The following DYRK2 variants were observed in gnomAD, a reference collection of about 807,000 sequenced individuals.
DYRK2 encodes dual specificity tyrosine-phosphorylation-regulated kinase 2.
Under a neutral mutation model 41.6 loss-of-function variants are expected in DYRK2, and 12 were observed. That is an observed-to-expected ratio of 0.29 (90% CI 0.18 to 0.47). The LOEUF is 0.47. Ranked by LOEUF, DYRK2 falls within the 20% of genes least tolerant of loss-of-function variation. The pLI is 1.00. For synonymous variants in DYRK2, 322 were observed against 315.7 expected (o/e 1.02, Z -0.21); for missense variants, 678 against 798.4 (o/e 0.85, Z 1.82).
chr12:67,657,767 T>A lies in DYRK2; in HGVS notation c.860T>A (p.Met287Lys), dbSNP rs771602708. 26 of 1,614,220 alleles carry A rather than the reference T, an allele frequency of 1.6e-5. No individual in the cohort carries two copies. In the Admixed American group the frequency reaches 4.2e-4, roughly 26 times the overall value. The change falls in exon 3 of 3, where the codon ATG (methionine) becomes AAG (lysine). Residue 287 changes from methionine (M) to lysine (K), a missense_variant. This residue lies in a region of DYRK2 where 393 missense variants were observed against 519.1 expected (regional missense o/e 0.76). Transcript: ENST00000344096. The surrounding 1 kb of genome is among the most constrained non-coding windows in gnomAD (Gnocchi z 4.8). ...GATAACACAATGAATGTCATCCATA[T>A]GCTGGAGAATTTCACCTTCCGCAAC... ...DKDNTMNVIH[M>K]LENFTFRNHI... is the part of the protein sequence containing the mutation.
chr12:67,658,047 C>T lies in DYRK2; in HGVS notation c.1140C>T (p.Tyr380=). The T allele has an allele frequency of 6.2e-7, 1 of 1,614,264 alleles. No homozygotes were observed. The highest frequency in any genetic ancestry group is 8.5e-7 in the Non-Finnish European group (1 of 1,180,046). ...GTTGTTACGAGCATCAGCGTGTCTA[C>T]ACGTACATCCAGTCGCGTTTTTACC... ...GSSCYEHQRV[Y]TYIQSRFYRA... The change falls in exon 3 of 3, where the codon TAC becomes TAT. Residue 380 remains tyrosine, a synonymous_variant. Transcript: ENST00000344096. The surrounding 1 kb of genome is among the most constrained non-coding windows in gnomAD (Gnocchi z 4.3).
intron 2 of DYRK2, among the ~76,000 whole-genome samples, chr12:67,652,131 G>T (rs892669641): frequency 3.9e-5 from 6 of 152,050 alleles, no homozygotes; most frequent in Admixed American, 6.6e-5. Flanking sequence ...TGATATAGTA[G>T]GCAGGTTAAA....
Position 67,662,628 on chromosome 12 carries a change from A to T in DYRK2, c.*3915A>T, listed in dbSNP as rs1872655897. ...TGTTAAATTTTATTGTTGTGGCCAG[A>T]GATAATTTCAGAATAAAATTTTAAT... On this transcript the variant is annotated 3_prime_UTR_variant, in exon 3 of 3. Transcript: ENST00000344096. 1 of 166,686 alleles carries T rather than the reference A, an allele frequency of 6.0e-6. No individual in the cohort carries two copies. The highest frequency in any genetic ancestry group is 1.5e-5 in the Non-Finnish European group (1 of 68,082). The allele number at this position is 166,686 out of a possible 1,614,324, so 10.3% of individuals were successfully genotyped here. A position where few individuals can be genotyped will look rare whatever the true frequency, so the allele number is the denominator to read the frequency against.
At chr12:67,650,438 C>A (rs1049972241) in intron 2 of DYRK2, among the ~76,000 whole-genome samples, 2 of 152,210 alleles carry the variant, frequency 1.3e-5, no homozygotes, top group Non-Finnish European at 2.9e-5. Flanking sequence ...CGCCAATTGT[C>A]CCCCGCGTGT....
chr12:67,649,059 G>C lies in DYRK2; in HGVS notation c.-75G>C. ...CGAGGGGCGGCCGGGAGGCGGCGGCGGCGGCCGCCAGAAGTAGCAGCAGGA... is the reference window on the plus strand; with the variant it reads ...CGAGGGGCGGCCGGGAGGCGGCGGCCGCGGCCGCCAGAAGTAGCAGCAGGA... On this transcript the variant is annotated 5_prime_UTR_variant, in exon 1 of 3. Coordinates refer to ENST00000344096, the MANE Select transcript of DYRK2 (RefSeq NM_006482.3). The C allele has an allele frequency of 7.7e-7, 1 of 1,302,082 alleles. No individual in the cohort carries two copies. Among genetic ancestry groups the C allele is most frequent in the Non-Finnish European group, 1.0e-6 (1 of 991,574 alleles). The allele number at this position is 1,302,082 out of a possible 1,614,324, so 80.7% of individuals were successfully genotyped here. A position where few individuals can be genotyped will look rare whatever the true frequency, so the allele number is the denominator to read the frequency against.
At chr12:67,653,347 T>C (rs1872377389) in intron 2 of DYRK2, among the ~76,000 whole-genome samples, 1 of 152,196 alleles carries the variant, frequency 6.6e-6, no homozygotes, top group Non-Finnish European at 1.5e-5. Context: ...TATAAGTCAG[T>C]TAATTGTGCT....
rs180800379 is a variant in DYRK2, at chr12:67,653,230, T to C, written c.198+3285T>C. Among the ~76,000 whole-genome samples the C allele has an allele frequency of 6.8e-3, 1,030 of 151,876 alleles. 10 individuals are homozygous for C. The highest frequency in any genetic ancestry group is 0.06 in the South Asian group (287 of 4,794). On this transcript the variant is annotated intron_variant, in intron 2 of 2. Coordinates refer to ENST00000344096, the MANE Select transcript of DYRK2 (RefSeq NM_006482.3). ...CAAGAGGCTGAGCTGGAGGGAGAGG[T>C]TTTTAGTATCCTTAAGTTTATGATG...
chr12:67,654,153 G>A (rs1234096818), intron 2 of DYRK2, among the ~76,000 whole-genome samples: 3 of 152,202 alleles, frequency 2.0e-5, no homozygotes, highest in Admixed American at 1.3e-4. Context: ...TTTAATGTGT[G>A]TCTAACTGAA....
chr12:67,649,163 T>C lies in DYRK2; in HGVS notation c.30T>C (p.Ala10=). The C allele has an allele frequency of 6.6e-7, 1 of 1,512,722 alleles. No individual in the cohort carries two copies. The allele number at this position is 1,512,722 out of a possible 1,614,324, so 93.7% of individuals were successfully genotyped here. The change falls in exon 1 of 3, where the codon GCT becomes GCC. Residue 10 remains alanine, a synonymous_variant. Coordinates refer to ENST00000344096, the MANE Select transcript of DYRK2 (RefSeq NM_006482.3). MLTRKPSAA[A]PAAYPTGRGG... is the part of the protein sequence containing the mutation. ...TAACCAGGAAACCTTCGGCCGCCGC[T>C]CCCGCCGCCTACCCGACCGGTAAGG... is the stretch of plus-strand genomic sequence containing the variant.
chr12:67,650,411 C>T (rs541191633), intron 2 of DYRK2, among the ~76,000 whole-genome samples: 1 of 152,244 alleles, frequency 6.6e-6, no homozygotes. Flanking sequence ...GGCCTGGCTC[C>T]AGCCAGCAGG....
At position 67,651,920 on chromosome 12, in the gene DYRK2, T is replaced by C. The variant is rs151074875; in HGVS notation, c.198+1975T>C. ...GATGGAGACTGCTAATTCTAGGAAATTGTACTAGCCTCATTATAAATGCAA... is the reference window on the plus strand; with the variant it reads ...GATGGAGACTGCTAATTCTAGGAAACTGTACTAGCCTCATTATAAATGCAA... On this transcript the variant is annotated intron_variant, in intron 2 of 2. Coordinates refer to ENST00000344096, the MANE Select transcript of DYRK2 (RefSeq NM_006482.3). Among the ~76,000 whole-genome samples, 87 of 152,320 alleles carry C rather than the reference T, an allele frequency of 5.7e-4. No individual in the cohort carries two copies. In the East Asian group the frequency reaches 0.014, roughly 25 times the overall value.
chr12:67,657,497 G>A lies in DYRK2; in HGVS notation c.590G>A (p.Gly197Glu). The change falls in exon 3 of 3, where the codon GGG (glycine) becomes GAG (glutamate). Residue 197 changes from glycine (G) to glutamate (E), a missense_variant. Transcript: ENST00000344096. This position sits in a 1 kb window ranked among gnomAD's most constrained non-coding sequence, Gnocchi z 4.8. The part of the protein sequence containing the change: ...NAKKRQGMTG[G>E]PNNGGYDDDQ... ...AAGAAGCGCCAGGGCATGACAGGTGGGCCCAACAATGGTGGCTATGATGAT... is the reference window on the plus strand; with the variant it reads ...AAGAAGCGCCAGGGCATGACAGGTGAGCCCAACAATGGTGGCTATGATGAT... 6.2e-7 allele frequency: 1 copy of A among 1,614,010 alleles called. No homozygotes were observed. The highest frequency in any genetic ancestry group is 8.5e-7 in the Non-Finnish European group (1 of 1,179,970).
At position 67,648,944 on chromosome 12, in the gene DYRK2, G is replaced by A. The variant is rs961614935; in HGVS notation, c.-190G>A. The A allele has an allele frequency of 1.0e-5, 4 of 393,768 alleles. No homozygotes were observed. The highest frequency in any genetic ancestry group is 8.6e-5 in the African/African-American group (4 of 46,280). 24.4% of individuals were successfully genotyped at this position (393,768 alleles called of 1,614,324 possible). ...GCGAGGAGGAGAGCGGGGGGCTCGC[G>A]GCGGCGGGCCCCGGCCGAGGGGATG... On this transcript the variant is annotated 5_prime_UTR_variant, in exon 1 of 3. Transcript: ENST00000344096.
At position 67,665,128 on chromosome 12, in the gene DYRK2, T is replaced by C. The variant is rs1872712789; in HGVS notation, c.*6415T>C. On this transcript the variant is annotated 3_prime_UTR_variant, in exon 3 of 3. Transcript: ENST00000344096. ...AAAAATTTCAAATACAATTTTAAAA[T>C]ACCAATTTGTAAATAAACCAATTTT... 1 of 152,180 alleles carries C rather than the reference T, an allele frequency of 6.6e-6. No homozygotes were observed. Among genetic ancestry groups the C allele is most frequent in the South Asian group, 2.1e-4 (1 of 4,826 alleles). The allele number at this position is 152,180 out of a possible 1,614,324, so 9.4% of individuals were successfully genotyped here. A position where few individuals can be genotyped will look rare whatever the true frequency, so the allele number is the denominator to read the frequency against.
At chr12:67,656,952 A>G (rs563749487) in intron 2 of DYRK2, among the ~76,000 whole-genome samples, 154 bp from the exon 3 acceptor site, 3 of 152,194 alleles carry the variant, frequency 2.0e-5, no homozygotes, top group East Asian at 1.9e-4. Flanking sequence ...TATGAGGTCC[A>G]TTTTTCAGGA....
chr12:67,650,664 G>T (rs1872297116), intron 2 of DYRK2, among the ~76,000 whole-genome samples: 1 of 152,238 alleles, frequency 6.6e-6, no homozygotes, highest in African/African-American at 2.4e-5. Flanking sequence ...AGAGGCCAGC[G>T]TGGGACTGGT....
At chr12:67,652,634 T>A (rs1017466826) in intron 2 of DYRK2, 3 of 152,300 alleles carry the variant, frequency 2.0e-5, no homozygotes, top group African/African-American at 7.2e-5. Flanking sequence ...AAGACTATTA[T>A]CACAGTGGAA....
intron 2 of DYRK2, among the ~76,000 whole-genome samples, chr12:67,656,608 T>C (rs902307670): frequency 1.3e-5 from 2 of 152,136 alleles, no homozygotes; most frequent in Non-Finnish European, 2.9e-5. Context: ...GAAATACTGG[T>C]GATGAAGTGT....
Position 67,658,762 on chromosome 12 carries a change from C to T in DYRK2, c.*49C>T. 3 of 1,542,510 alleles carry T rather than the reference C, an allele frequency of 1.9e-6. No individual in the cohort carries two copies. Among genetic ancestry groups the T allele is most frequent in the Non-Finnish European group, 2.6e-6 (3 of 1,145,324 alleles). The stretch of plus-strand genomic sequence containing the variant: ...ACCTGAAAGATACGACATTGCTGAG[C>T]CTTACTGGGTTGAAAAGGAGTAGCT... On this transcript the variant is annotated 3_prime_UTR_variant, in exon 3 of 3. Coordinates refer to ENST00000344096, the MANE Select transcript of DYRK2 (RefSeq NM_006482.3). This position sits in a 1 kb window ranked among gnomAD's most constrained non-coding sequence, Gnocchi z 4.3.
Sources: allele counts gnomAD v4.1 joint callset (sites outside exome capture counted in the v4.1 genomes callset), GRCh38; gene constraint gnomAD v4.1.1; regional missense constraint gnomAD v4.1.1; non-coding constraint Gnocchi (gnomAD v3.1); transcripts MANE v1.5; gene names NCBI Gene and HGNC (gene_info 2026-07-23, HGNC 2026-07-21).